KDM5B: variants seen among roughly 807,000 people sequenced by gnomAD.
KDM5B encodes lysine demethylase 5B, also known as lysine-specific demethylase 5B.
Under a neutral mutation model 193.4 loss-of-function variants are expected in KDM5B, and 144 were observed. That is an observed-to-expected ratio of 0.74 (90% CI 0.65 to 0.86). The LOEUF (loss-of-function observed/expected upper bound fraction) is 0.86. Ranked by LOEUF, KDM5B falls within the 40% of genes least tolerant of loss-of-function variation. The probability of loss-of-function intolerance (pLI) is 0.00; values close to 1 mark genes in which losing one functional copy is unlikely to be tolerated. For synonymous variants in KDM5B, 668 were observed against 682.6 expected, an observed-to-expected ratio of 0.98 and a Z score of 0.33; for missense variants, 1,833 against 1,886.9, an observed-to-expected ratio of 0.97 and a Z score of 0.53.
rs146728876 is a variant in KDM5B at position 202,752,858 on chromosome 1, A to G, written c.1701+47T>C. On this transcript the variant is annotated intron_variant, in intron 12 of 26. Transcript: ENST00000367265. ...AAAGTGAATAAAAAGGAAAAAGAGA[A>G]GTGGTGAATTAAGCTTGAGTGGCAG... 5 of 1,522,002 alleles carry G rather than the reference A, an allele frequency of 3.3e-6. No individual in the cohort carries two copies. The African/African-American group carries it at 7.0e-5, about 21-fold the overall frequency. The allele number at this position is 1,522,002 out of a possible 1,614,324, so 94.3% of individuals were successfully genotyped here.
At chr1:202,730,131 A>G in intron 25 of KDM5B, 104 bp from the exon 26 acceptor site, 1 of 986,660 alleles carries the variant, frequency 1.0e-6, no homozygotes. Context: ...ATGATCCCCC[A>G]ATCTACACGG....
intron 1 of KDM5B, among the ~76,000 whole-genome samples, chr1:202,799,414 G>A (rs956130007): frequency 1.3e-5 from 2 of 152,170 alleles, no homozygotes; most frequent in Non-Finnish European, 1.5e-5. Flanking sequence ...AGCACTTTGG[G>A]AGGCCGAGGT....
chr1:202,744,579 A>AAAAAAAACAAAAACAAAC (rs1655477813), intron 16 of KDM5B, among the ~76,000 whole-genome samples: 2 of 151,948 alleles, frequency 1.3e-5, no homozygotes, highest in South Asian at 4.1e-4. Flanking sequence ...AAAAACAAAC[A>AAAAAAAACAAAAACAAAC]AAAAAAACAC....
chr1:202,795,292 T>C (rs1657797377), intron 1 of KDM5B, among the ~76,000 whole-genome samples: 1 of 152,188 alleles, frequency 6.6e-6, no homozygotes, highest in Non-Finnish European at 1.5e-5. Context: ...TATTGTACTG[T>C]CCTCACCTAT....
intron 1 of KDM5B, among the ~76,000 whole-genome samples, chr1:202,795,502 A>C (rs1436578086): frequency 6.6e-6 from 1 of 151,976 alleles, no homozygotes; most frequent in Admixed American, 6.6e-5. Flanking sequence ...AAATACAAAA[A>C]TTAGTTGGGC....
intron 16 of KDM5B, among the ~76,000 whole-genome samples, chr1:202,744,267 C>T (rs1390637829): frequency 6.6e-6 from 1 of 152,042 alleles, no homozygotes; most frequent in East Asian, 1.9e-4. Context: ...CAAATCAAAA[C>T]TACAATGAAA....
chr1:202,755,586 T>A, intron 10 of KDM5B, 134 bp from the exon 11 acceptor site: 1 of 682,670 alleles, frequency 1.5e-6, no homozygotes, highest in Non-Finnish European at 2.4e-6. Flanking sequence ...GCTGACCTTC[T>A]AGGATGCCCA....
At chr1:202,786,979 T>TCCTA (rs1473767899) in intron 1 of KDM5B, among the ~76,000 whole-genome samples, 1 of 152,160 alleles carries the variant, frequency 6.6e-6, no homozygotes, top group East Asian at 1.9e-4. Context: ...TTAGCTTTAT[T>TCCTA]CCTACTGAGT....
At position 202,736,326 on chromosome 1, in the gene KDM5B, C is replaced by T. The variant is rs551347945; in HGVS notation, c.3151G>A (p.Val1051Ile). ...ELVTRGRSIP[V>I]HLNSLPRLET... is the part of the protein sequence containing the mutation. The stretch of plus-strand genomic sequence containing the variant: ...AGTCTTGGCAAAGAATTCAGATGTA[C>T]GGGGATAGATCGGCCTCGTGTAACA... Residue 1051 changes from valine (V) to isoleucine (I), a missense_variant, in exon 21 of 27, where the codon GTA becomes ATA. This residue lies in a region of KDM5B where 1,379 missense variants were observed against 1,349.6 expected (regional missense o/e 1.02). Transcript: ENST00000367265. 1.2e-5 allele frequency: 20 copies of T among 1,612,762 alleles called. No homozygotes were observed. The South Asian group carries it at 2.0e-4, about 16-fold the overall frequency.
chr1:202,808,018 C>G, intron 1 of KDM5B, 84 bp downstream of exon 1: 1 of 1,370,220 alleles, frequency 7.3e-7, no homozygotes, highest in Non-Finnish European at 9.7e-7. Context: ...TCCCCGCCCC[C>G]CGCGCCTCGG....
At chr1:202,802,384 TTGTTTGTTGTTGTTGTTGTTG>T (rs1286521503) in intron 1 of KDM5B, among the ~76,000 whole-genome samples, 1 of 151,618 alleles carries the variant, frequency 6.6e-6, no homozygotes, top group African/African-American at 2.4e-5. Flanking sequence ...TTTGTTGTTG[TTGTTTGTTGTTGTTGTTGTTG>T]TGTTTGTTTT....
chr1:202,746,112 A>G, intron 15 of KDM5B, 30 bp downstream of exon 15: 3 of 1,514,560 alleles, frequency 2.0e-6, no homozygotes, highest in East Asian at 2.4e-5. Flanking sequence ...ACTGTTTTCC[A>G]TAGGAAAAAA....
At chr1:202,766,801 C>A in intron 5 of KDM5B, 125 bp downstream of exon 5, 2 of 1,048,486 alleles carry the variant, frequency 1.9e-6, no homozygotes, top group East Asian at 5.1e-5. Context: ...CAAACAGCAT[C>A]CCTTTGTGAG....
chr1:202,729,229 T>A (rs1195517897), intron 26 of KDM5B, 56 bp from the exon 27 acceptor site: 2 of 1,602,524 alleles, frequency 1.2e-6, no homozygotes, highest in African/African-American at 2.7e-5. Context: ...GATTCAAAAT[T>A]GGGCAGGCCA....
intron 12 of KDM5B, 42 bp downstream of exon 12, chr1:202,752,863 T>C (rs1445955158): frequency 6.5e-6 from 10 of 1,547,744 alleles, no homozygotes; most frequent in South Asian, 5.8e-5. Flanking sequence ...AGAGAAGTGG[T>C]GAATTAAGCT....
chr1:202,793,317 C>G (rs1460940815), intron 1 of KDM5B, among the ~76,000 whole-genome samples: 2 of 152,138 alleles, frequency 1.3e-5, no homozygotes, highest in African/African-American at 4.8e-5. Flanking sequence ...ATAATAGATT[C>G]ATAATTTCCC....
chr1:202,776,825 G>A (rs1006151557), intron 2 of KDM5B, among the ~76,000 whole-genome samples, 192 bp downstream of exon 2: 7 of 152,256 alleles, frequency 4.6e-5, no homozygotes, highest in Admixed American at 3.9e-4. Flanking sequence ...TTACAAGTGT[G>A]AGCCACCATG....
intron 1 of KDM5B, among the ~76,000 whole-genome samples, chr1:202,786,822 G>A (rs560349746): frequency 1.3e-5 from 2 of 152,268 alleles, no homozygotes; most frequent in East Asian, 1.9e-4. Context: ...TGAAGTGGGT[G>A]GATCACCTGA....
At chr1:202,737,850 A>G (rs750490136) in intron 20 of KDM5B, among the ~76,000 whole-genome samples, 21 of 152,236 alleles carry the variant, frequency 1.4e-4, no homozygotes, top group Non-Finnish European at 2.5e-4. Context: ...TTAGACAAAC[A>G]GCCATAAGGG....
Sources: allele counts gnomAD v4.1 joint callset (sites outside exome capture counted in the v4.1 genomes callset), GRCh38; gene constraint gnomAD v4.1.1; regional missense constraint gnomAD v4.1.1; transcripts MANE v1.5; gene names NCBI Gene and HGNC (gene_info 2026-07-23, HGNC 2026-07-21).